Variants in HLCS observed in about 807,000 individuals in gnomAD.
The protein encoded by HLCS is biotin--protein ligase.
HLCS carries 53 observed loss-of-function variants against 75.0 expected under a neutral mutation model. The ratio of observed to expected loss-of-function variants is 0.71; its 90% confidence interval spans 0.57 to 0.89. The LOEUF (loss-of-function observed/expected upper bound fraction) is 0.89. HLCS is among the 40% of genes least tolerant of loss of function. The pLI is 0.00. For missense variants in HLCS, 966 were observed against 1,074.0 expected (o/e 0.90, Z 1.41); for synonymous variants, 431 against 428.6 (o/e 1.01, Z -0.07).
intron 5 of HLCS, among the ~76,000 whole-genome samples, chr21:36,918,312 T>C (rs2066016683): frequency 6.6e-6 from 1 of 152,194 alleles, no homozygotes; most frequent in African/African-American, 2.4e-5. Flanking sequence ...TGAGGCCTGA[T>C]TTCTAGTGCC....
chr21:36,922,107 A>T (rs2146452450), intron 5 of HLCS, among the ~76,000 whole-genome samples: 1 of 152,322 alleles, frequency 6.6e-6, no homozygotes, highest in Non-Finnish European at 1.5e-5. Context: ...CTGTTTTTTT[A>T]AATTAAAGCC....
At chr21:36,958,100 G>A (rs368481681) in intron 2 of HLCS, among the ~76,000 whole-genome samples, 5 of 151,274 alleles carry the variant, frequency 3.3e-5, no homozygotes, top group South Asian at 2.1e-4. Context: ...TAAATTAGCC[G>A]GATGTGGCAG....
chr21:36,917,445 G>T (rs781756263), intron 5 of HLCS, among the ~76,000 whole-genome samples: 6 of 152,090 alleles, frequency 3.9e-5, no homozygotes, highest in Non-Finnish European at 7.4e-5. Context: ...CACTTTCCCC[G>T]AGTACAAACC....
intron 1 of HLCS, among the ~76,000 whole-genome samples, chr21:36,988,887 A>C (rs1031623768): frequency 2.0e-5 from 3 of 151,930 alleles, no homozygotes; most frequent in African/African-American, 7.3e-5. Flanking sequence ...TGCTTCCCTC[A>C]ATGTTTGAGT....
intron 6 of HLCS, among the ~76,000 whole-genome samples, chr21:36,856,550 C>T (rs1294589433): frequency 6.6e-6 from 1 of 152,076 alleles, no homozygotes; most frequent in Non-Finnish European, 1.5e-5. Context: ...CACACCACCG[C>T]CAATAGTAGT....
intron 6 of HLCS, among the ~76,000 whole-genome samples, chr21:36,812,133 C>G (rs560161925): frequency 6.6e-6 from 1 of 152,138 alleles, no homozygotes. Flanking sequence ...GGAAGCGCAT[C>G]CTTCTACAAA....
intron 6 of HLCS, among the ~76,000 whole-genome samples, chr21:36,867,192 G>A (rs1433489648): frequency 2.0e-5 from 3 of 152,130 alleles, no homozygotes; most frequent in Middle Eastern, 3.2e-3. Flanking sequence ...AGAGTTCCTC[G>A]ATGGGCGTTG....
chr21:36,854,494 G>A (rs2063119331), intron 6 of HLCS, among the ~76,000 whole-genome samples: 1 of 152,116 alleles, frequency 6.6e-6, no homozygotes, highest in African/African-American at 2.4e-5. Flanking sequence ...GCTCTGCAGG[G>A]GGAGTGACTT....
intron 5 of HLCS, among the ~76,000 whole-genome samples, chr21:36,915,831 G>A (rs2065904849): frequency 6.6e-6 from 1 of 151,920 alleles, no homozygotes; most frequent in African/African-American, 2.4e-5. Flanking sequence ...TACAGAGCTG[G>A]ACTGTGCGGG....
At chr21:36,834,294 C>T (rs1236427407) in intron 6 of HLCS, among the ~76,000 whole-genome samples, 1 of 152,212 alleles carries the variant, frequency 6.6e-6, no homozygotes, top group African/African-American at 2.4e-5. Flanking sequence ...AAGTGAACTT[C>T]CTTCTTTTCT....
chr21:36,942,932 AAAAAAAAAG>A (rs1260632678), intron 2 of HLCS, among the ~76,000 whole-genome samples: 1 of 152,034 alleles, frequency 6.6e-6, no homozygotes, highest in Non-Finnish European at 1.5e-5. Flanking sequence ...TCCATCTTAA[AAAAAAAAAG>A]AAAGAAAAGA....
In HLCS at chr21:36,949,804, C is replaced by T. The variant is rs115135659; in HGVS notation, c.331-10810G>A. 6.6e-3 allele frequency among the ~76,000 whole-genome samples: 1,011 copies of T among 152,306 alleles called. 13 individuals are homozygous for T. The highest frequency in any genetic ancestry group is 0.023 in the African/African-American group (941 of 41,568). ...AGAGTCACAGCTGGAAACAGCGCAGCGAACCTGCTGAGCATGAGTAACATA... is the reference window on the plus strand; with the variant it reads ...AGAGTCACAGCTGGAAACAGCGCAGTGAACCTGCTGAGCATGAGTAACATA... On this transcript the variant is annotated intron_variant, in intron 2 of 10. Transcript: ENST00000674895.
At chr21:36,843,523 C>T (rs1248633163) in intron 6 of HLCS, among the ~76,000 whole-genome samples, 3 of 139,936 alleles carry the variant, frequency 2.1e-5, no homozygotes. Flanking sequence ...TTTTAAGAAA[C>T]TACAAAAGAA....
At chr21:36,953,729 G>C (rs1290704495) in intron 2 of HLCS, among the ~76,000 whole-genome samples, 1 of 152,140 alleles carries the variant, frequency 6.6e-6, no homozygotes, top group Non-Finnish European at 1.5e-5. Flanking sequence ...ATTTTGGAAA[G>C]TCTGATCTTG....
intron 4 of HLCS, among the ~76,000 whole-genome samples, chr21:36,931,793 C>T (rs1403185355): frequency 6.6e-6 from 1 of 151,732 alleles, no homozygotes; most frequent in East Asian, 1.9e-4. Flanking sequence ...TTCAAAACAG[C>T]AGGTCCTTGA....
At chr21:36,887,094 C>T (rs989514369) in intron 6 of HLCS, among the ~76,000 whole-genome samples, 1 of 150,306 alleles carries the variant, frequency 6.7e-6, no homozygotes, top group African/African-American at 2.5e-5. Context: ...CCTGCCACTG[C>T]ACTCCAGCCT....
chr21:36,976,104 G>A (rs947688046), intron 1 of HLCS, among the ~76,000 whole-genome samples: 18 of 152,080 alleles, frequency 1.2e-4, no homozygotes, highest in African/African-American at 3.9e-4. Flanking sequence ...CTCTATACCC[G>A]ACAAAAATAG....
At chr21:36,840,357 T>C (rs912536943) in intron 6 of HLCS, among the ~76,000 whole-genome samples, 1 of 152,188 alleles carries the variant, frequency 6.6e-6, no homozygotes, top group Non-Finnish European at 1.5e-5. Context: ...TCATAACTAT[T>C]GATGGGGACT....
intron 6 of HLCS, among the ~76,000 whole-genome samples, chr21:36,876,975 A>G (rs1490821883): frequency 6.6e-6 from 1 of 152,140 alleles, no homozygotes; most frequent in East Asian, 1.9e-4. Flanking sequence ...GTTCTCTATG[A>G]ATTACCCCTA....
Sources: gnomAD v4.1 joint callset for allele counts (sites outside exome capture counted in the v4.1 genomes callset) on GRCh38, gnomAD v4.1.1 for gene constraint, MANE v1.5 for transcripts, NCBI Gene and HGNC (gene_info 2026-07-23, HGNC 2026-07-21) for gene names.